Variants in PHLDB3 observed in about 807,000 individuals in gnomAD.
PHLDB3 encodes the protein pleckstrin homology like domain family B member 3.
Under a neutral mutation model 85.7 loss-of-function variants are expected in PHLDB3, and 86 were observed. The ratio of observed to expected loss-of-function variants is 1.00; its 90% CI spans 0.84 to 1.20. The LOEUF is 1.20. Ranked by LOEUF, PHLDB3 falls within the 50% of genes most tolerant of loss-of-function variation. PHLDB3 has a pLI of 0.00. For synonymous variants in PHLDB3, 376 were observed against 349.8 expected, an observed-to-expected ratio of 1.07 and a Z score of -0.83; for missense variants, 995 against 873.0, an observed-to-expected ratio of 1.14 and a Z score of -1.76.
intron 15 of PHLDB3, 70 bp downstream of exon 15, chr19:43,477,976 AG>A (rs1970962795): frequency 3.2e-6 from 4 of 1,268,192 alleles, no homozygotes; most frequent in East Asian, 4.7e-5. Flanking sequence ...AGGATGAGCC[AG>A]GGATGAGATA....
chr19:43,475,272 GC>G lies in PHLDB3; in HGVS notation c.*137del. The G allele has an allele frequency of 8.0e-7, 1 of 1,245,492 alleles. No individual in the cohort carries two copies. Among genetic ancestry groups the G allele is most frequent in the Non-Finnish European group, 1.1e-6 (1 of 916,934 alleles). The allele number at this position is 1,245,492 out of a possible 1,614,324, so 77.2% of individuals were successfully genotyped here. ...CGCAGCAGCTCAGGCCAGCTGAACT[GC>G]CGCGCCTGCGGAATTCCCGGGAGAG... On this transcript the variant is annotated 3_prime_UTR_variant, in exon 16 of 16. Transcript: ENST00000292140.
intron 4 of PHLDB3, 164 bp downstream of exon 4, chr19:43,501,570 G>A (rs1971599275): frequency 7.5e-7 from 1 of 1,338,350 alleles, no homozygotes; most frequent in Non-Finnish European, 9.9e-7. Context: ...CCCAGGGAGG[G>A]AGAAGGAAAA....
At chr19:43,495,854 C>T (rs1971445253) in intron 6 of PHLDB3, among the ~76,000 whole-genome samples, 2 of 152,006 alleles carry the variant, frequency 1.3e-5, no homozygotes, top group African/African-American at 4.8e-5. Context: ...AGAACAGTAA[C>T]CAAGACAGGC....
intron 15 of PHLDB3, 130 bp downstream of exon 15, chr19:43,477,917 C>A: frequency 1.7e-6 from 1 of 587,982 alleles, no homozygotes; most frequent in South Asian, 2.6e-5. Context: ...GCGACAAACA[C>A]GTACTCCTAT....
rs753155779 is a variant in PHLDB3, at chr19:43,504,013, C to A, written c.106G>T (p.Glu36Ter). 75 of 1,613,832 alleles carry A rather than the reference C, an allele frequency of 4.6e-5. 1 individual carries two copies. In the Admixed American group the frequency reaches 1.1e-3, roughly 24 times the overall value. ...QGHPEESREQ[E>*]ASEVLAEPSS... is the part of the protein sequence containing the mutation. ...GGTTCCGCCAGGACTTCGGATGCCT[C>A]CTGTTCCCGGGACTCCTCGGGATGG... The change falls in exon 2 of 16, where the codon GAG becomes TAG. Residue 36 changes from glutamate (E) to a stop codon, truncating the protein, a stop_gained. Transcript: ENST00000292140. LOFTEE classifies it high-confidence loss of function.
chr19:43,494,752 C>T lies in PHLDB3; in HGVS notation c.1099G>A (p.Ala367Thr), dbSNP rs940056277. 29 of 1,613,328 alleles carry T rather than the reference C, an allele frequency of 1.8e-5. No homozygotes were observed. The highest frequency in any genetic ancestry group is 3.3e-4 in the Middle Eastern group (2 of 6,062). Reference sequence around the variant, plus strand: ...AGGCAGGAAGAAGTAGGGGTGGCAGCGGAGTGGGCCACGGCATCCTGGAGC... The same window carrying T: ...AGGCAGGAAGAAGTAGGGGTGGCAGTGGAGTGGGCCACGGCATCCTGGAGC... ...LVLQDAVAHS[A>T]ATPTSSCLFS... Residue 367 changes from alanine to threonine, a missense_variant, in exon 9 of 16, where the codon GCT (alanine) becomes ACT (threonine). Transcript: ENST00000292140.
chr19:43,492,302 G>C (rs1599949122), intron 9 of PHLDB3, among the ~76,000 whole-genome samples: 2 of 152,142 alleles, frequency 1.3e-5, no homozygotes, highest in East Asian at 3.9e-4. Context: ...GGCCAGGCTG[G>C]TCTTGAACTC....
rs1336165873 is a variant in PHLDB3 at position 43,502,274 on chromosome 19, T to G, written c.223A>C (p.Thr75Pro). The G allele has an allele frequency of 2.6e-6, 4 of 1,557,542 alleles. No individual in the cohort carries two copies. The highest frequency in any genetic ancestry group is 3.5e-6 in the Non-Finnish European group (4 of 1,155,776). ...TESSRDAPEA[T>P]PPIAMAATPP... The stretch of plus-strand genomic sequence containing the variant: ...GTGGCCGCCATAGCTATCGGAGGCG[T>G]AGCCTCGGGCTGAAGTTGAGGGGGG... The change falls in exon 3 of 16, where the codon ACG becomes CCG. Residue 75 changes from threonine to proline, a missense_variant. Transcript: ENST00000292140.
chr19:43,490,826 G>A (rs1971296401), intron 9 of PHLDB3, among the ~76,000 whole-genome samples: 1 of 152,168 alleles, frequency 6.6e-6, no homozygotes, highest in African/African-American at 2.4e-5. Flanking sequence ...GGCCGGTTCG[G>A]GTTCAAATCC....
chr19:43,503,245 T>G (rs552597160), intron 2 of PHLDB3, among the ~76,000 whole-genome samples: 117 of 152,110 alleles, frequency 7.7e-4, no homozygotes, highest in African/African-American at 2.8e-3. Flanking sequence ...CGTTTGGTTC[T>G]CTCTGTTCTG....
At position 43,475,387 on chromosome 19, in the gene PHLDB3, TC is replaced by T. The variant is rs202228371; in HGVS notation, c.*22del. 970 of 1,609,956 alleles carry T rather than the reference TC, an allele frequency of 6.0e-4. 3 individuals carry two copies. The African/African-American group carries it at 0.011, about 18-fold the overall frequency. Reference sequence around the variant, plus strand: ...GCGCCGGCGGAGCCTCGAAGGGACTTCCCCCCAAGAGGGCGGGGCCACTCAG... The same window carrying T: ...GCGCCGGCGGAGCCTCGAAGGGACTTCCCCCAAGAGGGCGGGGCCACTCAG... On this transcript the variant is annotated 3_prime_UTR_variant, in exon 16 of 16. Coordinates refer to ENST00000292140, the MANE Select transcript of PHLDB3 (RefSeq NM_198850.4).
intron 15 of PHLDB3, among the ~76,000 whole-genome samples, chr19:43,477,598 T>C (rs1157602979): frequency 6.6e-6 from 1 of 150,428 alleles, no homozygotes; most frequent in Non-Finnish European, 1.5e-5. Context: ...GGGCAGATCA[T>C]GAGGTCAGGA....
intron 12 of PHLDB3, 57 bp from the exon 13 acceptor site, chr19:43,486,379 G>A (rs913342961): frequency 7.2e-5 from 109 of 1,511,958 alleles, no homozygotes; most frequent in Non-Finnish European, 9.1e-5. Flanking sequence ...ATGGTAGGGT[G>A]GCTGGAGAAT....
In PHLDB3 at chr19:43,501,811, G is replaced by C. The variant is rs979229133; in HGVS notation, c.457C>G (p.Arg153Gly). The change falls in exon 4 of 16, where the codon CGG becomes GGG. Residue 153 changes from arginine (R) to glycine (G), a missense_variant. By Grantham distance (125) the Arg-to-Gly change is moderately radical. Coordinates refer to ENST00000292140, the MANE Select transcript of PHLDB3 (RefSeq NM_198850.4). ...AGCTCCCGCAGCTGCTCCTCCTCCC[G>C]GCGAGCGGCCACTCGCTCCCCAGCC... is the stretch of plus-strand genomic sequence containing the variant. ...ELAGERVAAR[R>G]EEEQLRELLE... 6.3e-7 allele frequency: 1 copy of C among 1,588,264 alleles called. No individual in the cohort carries two copies. Among genetic ancestry groups the C allele is most frequent in the Non-Finnish European group, 8.6e-7 (1 of 1,168,670 alleles).
Position 43,495,521 on chromosome 19 carries a change from C to G in PHLDB3, c.925G>C (p.Glu309Gln), listed in dbSNP as rs748909222. 6 of 1,606,476 alleles carry G rather than the reference C, an allele frequency of 3.7e-6. No homozygotes were observed. The highest frequency in any genetic ancestry group is 1.6e-4 in the Middle Eastern group (1 of 6,072). ...TGTGACAGGGCCTGAAGGGCCTCCT[C>G]CTTCTTCCGGCTCAACCCCCGGCTC... ...AESRGLSRKK[E>Q]EALQALSQER... is the part of the protein sequence containing the mutation. The change falls in exon 7 of 16, where the codon GAG becomes CAG. Residue 309 changes from glutamate to glutamine, a missense_variant. By Grantham distance (29) the Glu-to-Gln change is conservative. Transcript: ENST00000292140.
Position 43,495,289 on chromosome 19 carries a change from C to G in PHLDB3, c.1002G>C (p.Gly334=), listed in dbSNP as rs1568481865. 2 of 1,613,812 alleles carry G rather than the reference C, an allele frequency of 1.2e-6. No individual in the cohort carries two copies. Among genetic ancestry groups the G allele is most frequent in the East Asian group, 4.5e-5 (2 of 44,876 alleles). The change falls in exon 8 of 16, where the codon GGG becomes GGC. Residue 334 remains glycine, a synonymous_variant. Transcript: ENST00000292140. ...ELNCLQGTPG[G]DFSEPNPALT... ...GGGCCGGGTTGGGCTCAGAGAAGTC[C>G]CCGCCAGGTGTTCCCTGAAGGCAAT...
chr19:43,493,096 T>C (rs1971357997), intron 9 of PHLDB3, among the ~76,000 whole-genome samples: 3 of 151,590 alleles, frequency 2.0e-5, no homozygotes, highest in African/African-American at 7.3e-5. Flanking sequence ...CTGGCCAACA[T>C]GGCAAAACCC....
rs200811514 is a variant in PHLDB3 at position 43,495,314 on chromosome 19, T to A, written c.977A>T (p.Asn326Ile). The A allele has an allele frequency of 9.9e-6, 16 of 1,613,578 alleles. No homozygotes were observed. The South Asian group carries it at 1.8e-4, about 18-fold the overall frequency. Residue 326 changes from asparagine (N) to isoleucine (I), a missense_variant, in exon 8 of 16, where the codon AAT (asparagine) becomes ATT (isoleucine). Coordinates refer to ENST00000292140, the MANE Select transcript of PHLDB3 (RefSeq NM_198850.4). Reference sequence around the variant, plus strand: ...CCCGCCAGGTGTTCCCTGAAGGCAATTGAGCTCGAGCAGCCGGCTCCGTTC... The same window carrying A: ...CCCGCCAGGTGTTCCCTGAAGGCAAATGAGCTCGAGCAGCCGGCTCCGTTC... The part of the protein sequence containing the change: ...SQERSRLLEL[N>I]CLQGTPGGDF...
In PHLDB3 at chr19:43,475,418, C is replaced by T. The variant is rs764667252; in HGVS notation, c.1915G>A (p.Ala639Thr). Residue 639 changes from alanine to threonine, a missense_variant, in exon 16 of 16, where the codon GCC becomes ACC. Physicochemically the swap from Ala to Thr is moderately conservative, Grantham distance 58 (BLOSUM62 0). Coordinates refer to ENST00000292140, the MANE Select transcript of PHLDB3 (RefSeq NM_198850.4). Reference protein sequence around the residue: ...VIVTAADENHAP With the variant: ...VIVTAADENHTP ...CAAGAGGGCGGGGCCACTCAGGGGG[C>T]GTGGTTTTCGTCAGCGGCGGTCACG... 6.2e-6 allele frequency: 10 copies of T among 1,613,710 alleles called. No homozygotes were observed. The East Asian group carries it at 2.0e-4, about 32-fold the overall frequency.
Sources: gnomAD v4.1 joint callset for allele counts (sites outside exome capture counted in the v4.1 genomes callset) on GRCh38, gnomAD v4.1.1 for gene constraint, MANE v1.5 for transcripts, NCBI Gene and HGNC (gene_info 2026-07-23, HGNC 2026-07-21) for gene names.